NUP98: variants seen among roughly 807,000 people sequenced by gnomAD.
The protein encoded by NUP98 is nucleoporin 98 and 96 precursor.
A neutral mutation model predicts 191.9 loss-of-function variants in NUP98; 26 were observed. The ratio of observed to expected loss-of-function variants is 0.14; its 90% CI spans 0.10 to 0.19. The LOEUF is 0.19. Ranked by LOEUF, NUP98 falls within the 10% of genes least tolerant of loss-of-function variation. The pLI is 1.00. For synonymous variants in NUP98, 808 were observed against 778.4 expected, an observed-to-expected ratio of 1.04 and a Z score of -0.63; for missense variants, 1,941 against 2,178.8, an observed-to-expected ratio of 0.89 and a Z score of 2.17.
chr11:3,735,379 TAC>T, intron 12 of NUP98, 55 bp from the exon 13 acceptor site: 1 of 981,968 alleles, frequency 1.0e-6, no homozygotes, highest in Non-Finnish European at 1.3e-6. Flanking sequence ...AATGCAAGGA[TAC>T]AATGCATTTG....
At chr11:3,702,307 A>T (rs2078713386) in intron 23 of NUP98, among the ~76,000 whole-genome samples, 156 bp downstream of exon 23, 1 of 57,908 alleles carries the variant, frequency 1.7e-5, no homozygotes, top group Non-Finnish European at 3.5e-5. Flanking sequence ...ACACACACAC[A>T]CACACACTCT....
chr11:3,750,307 G>C (rs886877582), intron 11 of NUP98, among the ~76,000 whole-genome samples: 1 of 151,926 alleles, frequency 6.6e-6, no homozygotes, highest in African/African-American at 2.4e-5. Flanking sequence ...TTTTAGTACA[G>C]AGAGGGTCTC....
At chr11:3,687,390 G>A (rs959345597) in intron 28 of NUP98, among the ~76,000 whole-genome samples, 8 of 152,074 alleles carry the variant, frequency 5.3e-5, no homozygotes, top group African/African-American at 1.9e-4. Flanking sequence ...AAATTTTGTT[G>A]AAGTCCAATT....
intron 10 of NUP98, 111 bp downstream of exon 10, chr11:3,760,428 A>T: frequency 6.9e-7 from 1 of 1,455,344 alleles, no homozygotes; most frequent in Non-Finnish European, 9.6e-7. Flanking sequence ...GAATCAGGAG[A>T]ATAACGTGTG....
chr11:3,700,094 G>A (rs764847750), intron 24 of NUP98, among the ~76,000 whole-genome samples: 5 of 151,984 alleles, frequency 3.3e-5, no homozygotes, highest in Admixed American at 6.6e-5. Context: ...GATGGCTCAC[G>A]CCTGTAATCC....
chr11:3,762,604 A>C (rs1026862778), intron 9 of NUP98, among the ~76,000 whole-genome samples: 1 of 152,208 alleles, frequency 6.6e-6, no homozygotes, highest in African/African-American at 2.4e-5. Context: ...AATAAAGCAA[A>C]AGAATTTCAA....
At chr11:3,682,997 A>G (rs1459218091) in intron 30 of NUP98, among the ~76,000 whole-genome samples, 1 of 152,222 alleles carries the variant, frequency 6.6e-6, no homozygotes. Context: ...CTGGGAAATG[A>G]TAACAATATT....
intron 5 of NUP98, among the ~76,000 whole-genome samples, chr11:3,775,282 C>CA (rs2133920606): frequency 6.6e-6 from 1 of 152,282 alleles, no homozygotes; most frequent in East Asian, 1.9e-4. Context: ...GTAATCCCAA[C>CA]ACTTTGGGAG....
intron 24 of NUP98, 71 bp from the exon 25 acceptor site, chr11:3,699,419 A>C (rs2078610845): frequency 6.6e-7 from 1 of 1,513,874 alleles, no homozygotes; most frequent in Admixed American, 1.8e-5. Flanking sequence ...GCATCCTTCT[A>C]ACTGTGATGT....
chr11:3,702,931 C>A (rs772864083), intron 22 of NUP98, 39 bp from the exon 23 acceptor site: 6 of 1,487,710 alleles, frequency 4.0e-6, no homozygotes, highest in Admixed American at 3.9e-5. Flanking sequence ...AAGACTATTA[C>A]AAAACACAAG....
intron 30 of NUP98, among the ~76,000 whole-genome samples, chr11:3,680,996 A>C (rs1384939105): frequency 1.3e-5 from 2 of 152,022 alleles, no homozygotes; most frequent in South Asian, 2.1e-4. Flanking sequence ...GAGTAGCTGA[A>C]ATTACAGGAA....
chr11:3,699,110 A>T lies in NUP98; in HGVS notation c.3981T>A (p.Ser1327Arg), dbSNP rs764104940. ...ACTGCTGGGCCAGAGAGCAGGCCTC[A>T]CTGATCCTTTTGCCTGTGAGGTAGC... The part of the protein sequence containing the change: ...VFSYLTGKRI[S>R]EACSLAQQSG... The change falls in exon 25 of 33, where the codon AGT (serine) becomes AGA (arginine). Residue 1327 changes from serine (S) to arginine (R), a missense_variant. Transcript: ENST00000324932. The T allele has an allele frequency of 1.2e-6, 2 of 1,613,074 alleles. No individual in the cohort carries two copies. The highest frequency in any genetic ancestry group is 2.7e-5 in the African/African-American group (2 of 75,012).
At chr11:3,699,720 ATGC>A (rs2078618424) in intron 24 of NUP98, among the ~76,000 whole-genome samples, 1 of 152,238 alleles carries the variant, frequency 6.6e-6, no homozygotes, top group South Asian at 2.1e-4. Context: ...ACTTACAAGT[ATGC>A]ACTGGTAAAA....
At chr11:3,752,807 A>G (rs1277328553) in intron 11 of NUP98, among the ~76,000 whole-genome samples, 1 of 152,224 alleles carries the variant, frequency 6.6e-6, no homozygotes, top group Non-Finnish European at 1.5e-5. Flanking sequence ...TAGAAGGGTC[A>G]GTATCTTCAA....
chr11:3,677,240 C>A (rs1157206826), intron 31 of NUP98, among the ~76,000 whole-genome samples: 2 of 152,008 alleles, frequency 1.3e-5, no homozygotes, highest in Non-Finnish European at 2.9e-5. Flanking sequence ...TTAAGGAGGT[C>A]ATATTTAAAT....
rs537888997 is a variant in NUP98, at chr11:3,713,390, T to C, written c.2577+428A>G. 1.2e-3 allele frequency among the ~76,000 whole-genome samples: 184 copies of C among 152,334 alleles called. No homozygotes were observed. In the Middle Eastern group the frequency reaches 0.014, roughly 11 times the overall value. On this transcript the variant is annotated intron_variant, in intron 19 of 32. Coordinates refer to ENST00000324932, the MANE Select transcript of NUP98 (RefSeq NM_016320.5). ...GTTTGTAGTTTGGAGTGAATCATAA[T>C]GTATCTGTACATCTCTCTCCAAATT...
intron 8 of NUP98, among the ~76,000 whole-genome samples, chr11:3,763,768 G>A (rs1325184456): frequency 2.6e-5 from 4 of 152,018 alleles, no homozygotes; most frequent in Non-Finnish European, 5.9e-5. Context: ...GGCTGGTCAC[G>A]AACTCCTGAC....
intron 12 of NUP98, among the ~76,000 whole-genome samples, chr11:3,742,599 T>A (rs1220562399): frequency 2.7e-5 from 4 of 149,148 alleles, no homozygotes. Flanking sequence ...CTCAGGAAGC[T>A]GAGGCAGCAG....
At chr11:3,690,041 T>C (rs2078261584) in intron 28 of NUP98, among the ~76,000 whole-genome samples, 1 of 139,846 alleles carries the variant, frequency 7.2e-6, no homozygotes, top group South Asian at 2.5e-4. Context: ...AACCTCCAAC[T>C]CCCAGGTTCA....
Sources: allele counts gnomAD v4.1 joint callset (sites outside exome capture counted in the v4.1 genomes callset), GRCh38; gene constraint gnomAD v4.1.1; transcripts MANE v1.5; gene names NCBI Gene and HGNC (gene_info 2026-07-23, HGNC 2026-07-21).